Variants in FBXL18 observed in about 807,000 individuals in gnomAD.
The protein encoded by FBXL18 is F-box/LRR-repeat protein 18.
A neutral mutation model predicts 46.0 loss-of-function variants in FBXL18; 36 were observed. That is an observed-to-expected ratio of 0.78 (90% CI 0.60 to 1.03). The LOEUF (loss-of-function observed/expected upper bound fraction) is 1.03. FBXL18 is among the 50% of genes least tolerant of loss of function. The pLI, the probability that FBXL18 is intolerant of heterozygous loss-of-function variation, is 0.00. For missense variants in FBXL18, 977 were observed against 1,004.1 expected, an observed-to-expected ratio of 0.97 and a Z score of 0.36; for synonymous variants, 557 against 465.3, an observed-to-expected ratio of 1.20 and a Z score of -2.54.
intron 4 of FBXL18, among the ~76,000 whole-genome samples, chr7:5,485,708 G>C (rs1169400167): frequency 6.6e-6 from 1 of 152,036 alleles, no homozygotes; most frequent in Non-Finnish European, 1.5e-5. Flanking sequence ...GGGAGTTCGA[G>C]ACCAGCCTGA....
intron 4 of FBXL18, among the ~76,000 whole-genome samples, chr7:5,483,750 A>G (rs1783705673): frequency 8.2e-6 from 1 of 121,238 alleles, no homozygotes; most frequent in African/African-American, 2.8e-5. Flanking sequence ...GTCTCAAAAA[A>G]AAGACAAAAA....
At chr7:5,494,528 T>C (rs1368533733) in intron 3 of FBXL18, among the ~76,000 whole-genome samples, 1 of 152,208 alleles carries the variant, frequency 6.6e-6, no homozygotes, top group Non-Finnish European at 1.5e-5. Flanking sequence ...GCTATTCAGA[T>C]TGTTTTTATT....
At chr7:5,456,176 A>C (rs1783170559) in intron 4 of FBXL18, among the ~76,000 whole-genome samples, 1 of 151,886 alleles carries the variant, frequency 6.6e-6, no homozygotes, top group Non-Finnish European at 1.5e-5. Context: ...CCCGAGGCTC[A>C]GCTCTGCCCA....
At chr7:5,467,096 A>G (rs1783351868) in intron 4 of FBXL18, among the ~76,000 whole-genome samples, 2 of 152,220 alleles carry the variant, frequency 1.3e-5, no homozygotes, top group South Asian at 4.1e-4. Context: ...TCACGCCTGT[A>G]ATCCCAGCAC....
intron 4 of FBXL18, among the ~76,000 whole-genome samples, chr7:5,487,822 C>CA (rs1361774617): frequency 1.3e-5 from 2 of 151,966 alleles, no homozygotes; most frequent in Non-Finnish European, 2.9e-5. Context: ...CCGTGGGTCC[C>CA]ACCACAGGCC....
chr7:5,492,330 A>G (rs973819925), intron 3 of FBXL18, among the ~76,000 whole-genome samples: 20 of 151,274 alleles, frequency 1.3e-4, no homozygotes, highest in Non-Finnish European at 2.5e-4. Context: ...GCCCTTGGAG[A>G]ACCAGGCTGT....
rs1360422507 is a variant in FBXL18, at chr7:5,481,354, TC to T, written c.*420del. The T allele has an allele frequency of 6.0e-3, 1,037 of 173,196 alleles. 13 individuals are homozygous for T. The highest frequency in any genetic ancestry group is 0.023 in the African/African-American group (971 of 41,670). 10.7% of individuals were successfully genotyped at this position (173,196 alleles called of 1,614,324 possible). ...CAGGGGGACAGCATGTGGCCGCCCA[TC>T]CACGGGGCCCCGGTGGCAGGTGACC... On this transcript the variant is annotated 3_prime_UTR_variant, in exon 5 of 5. Coordinates refer to ENST00000382368, the MANE Select transcript of FBXL18 (RefSeq NM_024963.6).
At position 5,480,169 on chromosome 7, in the gene FBXL18, G is replaced by A. The variant is rs1050578416; in HGVS notation, c.*1606C>T. On this transcript the variant is annotated 3_prime_UTR_variant, in exon 5 of 5. Transcript: ENST00000382368. ...CATTTTTTAACAGCAAAGCAAATGT[G>A]AGACACCACCCCACAGGACGGGGCA... 1.3e-5 allele frequency among the ~76,000 whole-genome samples: 2 copies of A among 152,196 alleles called. No individual in the cohort carries two copies. The highest frequency in any genetic ancestry group is 3.9e-4 in the East Asian group (2 of 5,192).
intron 3 of FBXL18, among the ~76,000 whole-genome samples, chr7:5,492,071 G>A (rs1390256235): frequency 1.3e-5 from 2 of 151,188 alleles, no homozygotes; most frequent in South Asian, 2.1e-4. Context: ...GAGGGGAGTG[G>A]GGCCAAGCTA....
rs369238378 is a variant in FBXL18, at chr7:5,501,392, C to G, written c.877G>C (p.Asp293His). The change falls in exon 3 of 5, where the codon GAT (aspartate) becomes CAT (histidine). Residue 293 changes from aspartate (D) to histidine (H), a missense_variant. Coordinates refer to ENST00000382368, the MANE Select transcript of FBXL18 (RefSeq NM_024963.6). ...LDSMARNVVL[D>H]ALQLPKSWLN... ...CAGGACTTGGGCAGCTGCAGGGCAT[C>G]CAGCACGACATTGCGCGCCATGGAG... The G allele has an allele frequency of 1.9e-6, 3 of 1,613,874 alleles. No individual in the cohort carries two copies. The highest frequency in any genetic ancestry group is 2.5e-6 in the Non-Finnish European group (3 of 1,180,022).
intron 4 of FBXL18, among the ~76,000 whole-genome samples, chr7:5,464,318 A>G (rs1783310148): frequency 6.6e-6 from 1 of 152,006 alleles, no homozygotes; most frequent in African/African-American, 2.4e-5. Context: ...GTCTCTACTA[A>G]AAATACAAAA....
chr7:5,492,829 C>T (rs1783966108), intron 3 of FBXL18, among the ~76,000 whole-genome samples: 1 of 152,090 alleles, frequency 6.6e-6, no homozygotes, highest in African/African-American at 2.4e-5. Flanking sequence ...TTCCTCCTCA[C>T]CATCCTCAGA....
chr7:5,454,941 G>A (rs1373762136), intron 4 of FBXL18, among the ~76,000 whole-genome samples: 2 of 152,212 alleles, frequency 1.3e-5, no homozygotes, highest in African/African-American at 4.8e-5. Flanking sequence ...GAATCCTAAA[G>A]GGTAGAGTTT....
Position 5,500,770 on chromosome 7 carries a change from G to A in FBXL18, c.1499C>T (p.Pro500Leu). ...GTTGCGGATGGCGGGCTCGTTGCGG[G>A]GCATGGCGGAGGAGAAGTTGGACCC... ...LIGSNFSSAMPRNEPAIRNSL... is the reference protein window; with the variant it reads ...LIGSNFSSAMLRNEPAIRNSL... Residue 500 changes from proline to leucine, a missense_variant, in exon 3 of 5, where the codon CCC becomes CTC. By Grantham distance (98) the Pro-to-Leu change is moderately conservative. Coordinates refer to ENST00000382368, the MANE Select transcript of FBXL18 (RefSeq NM_024963.6). 2 of 1,612,612 alleles carry A rather than the reference G, an allele frequency of 1.2e-6. No homozygotes were observed. The highest frequency in any genetic ancestry group is 1.1e-5 in the South Asian group (1 of 91,060).
At chr7:5,492,171 G>A (rs1464483068) in intron 3 of FBXL18, among the ~76,000 whole-genome samples, 1 of 149,694 alleles carries the variant, frequency 6.7e-6, no homozygotes, top group Non-Finnish European at 1.5e-5. Flanking sequence ...AGGGGAAAGG[G>A]GAGGACTTGG....
intron 1 of FBXL18, among the ~76,000 whole-genome samples, chr7:5,508,970 A>G (rs1784460698): frequency 6.6e-6 from 1 of 152,154 alleles, no homozygotes; most frequent in Non-Finnish European, 1.5e-5. Flanking sequence ...AGATGGGTGG[A>G]TCACCTGAGG....
rs1049721068 is a variant in FBXL18 at position 5,476,991 on chromosome 7, C to T, written c.*4784G>A. The T allele has an allele frequency of 2.6e-5, 4 of 151,120 alleles. No homozygotes were observed. Among genetic ancestry groups the T allele is most frequent in the African/African-American group, 9.7e-5 (4 of 41,162 alleles). 9.4% of individuals were successfully genotyped at this position (151,120 alleles called of 1,614,324 possible). A position where few individuals can be genotyped will look rare whatever the true frequency, so the allele number is the denominator to read the frequency against. On this transcript the variant is annotated 3_prime_UTR_variant, in exon 5 of 5. Transcript: ENST00000382368. ...CAAGCTCCGCCTCCCAGGTTCATGC[C>T]ATTCTCCTGCCTCAGCCTCCTGAGT... is the stretch of plus-strand genomic sequence containing the variant.
chr7:5,461,011 A>G (rs185501566), intron 4 of FBXL18, among the ~76,000 whole-genome samples: 25 of 152,314 alleles, frequency 1.6e-4, no homozygotes, highest in African/African-American at 6.0e-4. Context: ...CCTTCCACGC[A>G]CAAGTGCTGT....
intron 4 of FBXL18, among the ~76,000 whole-genome samples, chr7:5,464,672 A>AG (rs1783315616): frequency 2.3e-5 from 3 of 132,220 alleles, no homozygotes; most frequent in South Asian, 2.2e-4. Context: ...TCAAAAAAAA[A>AG]AAAAAAAAAA....
Sources: allele counts gnomAD v4.1 joint callset (sites outside exome capture counted in the v4.1 genomes callset), GRCh38; gene constraint gnomAD v4.1.1; transcripts MANE v1.5; gene names NCBI Gene and HGNC (gene_info 2026-07-23, HGNC 2026-07-21).